MAP2K5: variants seen among roughly 807,000 people sequenced by gnomAD.
MAP2K5 encodes the protein mitogen-activated protein kinase kinase 5.
MAP2K5 carries 49 observed loss-of-function variants against 83.1 expected under a neutral mutation model. The ratio of observed to expected loss-of-function variants is 0.59; its 90% CI spans 0.47 to 0.75. MAP2K5 has a LOEUF of 0.75. Ranked by LOEUF, MAP2K5 falls within the 30% of genes least tolerant of loss-of-function variation. MAP2K5 has a pLI of 0.00. For synonymous variants in MAP2K5, 202 were observed against 191.8 expected (o/e 1.05, Z -0.44); for missense variants, 457 against 557.5 (o/e 0.82, Z 1.82).
chr15:67,608,757 C>G (rs1433252383), intron 8 of MAP2K5, among the ~76,000 whole-genome samples: 1 of 152,138 alleles, frequency 6.6e-6, no homozygotes, highest in Admixed American at 6.5e-5. Context: ...CTTCTGAATA[C>G]TAGACACAAA....
chr15:67,797,389 G>A (rs971729473), intron 21 of MAP2K5, among the ~76,000 whole-genome samples: 2 of 152,170 alleles, frequency 1.3e-5, no homozygotes, highest in African/African-American at 2.4e-5. Flanking sequence ...AAAACAGTCT[G>A]AGTTTTTGTT....
chr15:67,648,998 C>A (rs981770720), intron 11 of MAP2K5, among the ~76,000 whole-genome samples: 7 of 152,190 alleles, frequency 4.6e-5, no homozygotes, highest in African/African-American at 1.7e-4. Context: ...CACCACTTTG[C>A]ATTCATACCA....
chr15:67,586,789 A>C, intron 5 of MAP2K5, 57 bp from the exon 6 acceptor site: 1 of 1,503,856 alleles, frequency 6.6e-7, no homozygotes, highest in Non-Finnish European at 9.3e-7. Flanking sequence ...ATTATAGGTT[A>C]ATTAGAACTG....
At position 67,630,353 on chromosome 15, in the gene MAP2K5, T is replaced by C. The variant is rs144806957; in HGVS notation, c.546-535T>C. 3.7e-4 allele frequency among the ~76,000 whole-genome samples: 56 copies of C among 152,338 alleles called. 1 individual carries two copies. Among genetic ancestry groups the C allele is most frequent in the Non-Finnish European group, 7.8e-4 (53 of 68,020 alleles). On this transcript the variant is annotated intron_variant, in intron 8 of 21. Transcript: ENST00000178640. The stretch of plus-strand genomic sequence containing the variant: ...AAATGGATACATTTATATTTATTGA[T>C]TTAAGTTGTAGTTATTTCACTATAT...
At chr15:67,701,863 G>C (rs1033379195) in intron 15 of MAP2K5, among the ~76,000 whole-genome samples, 3 of 152,068 alleles carry the variant, frequency 2.0e-5, no homozygotes, top group Non-Finnish European at 2.9e-5. Context: ...CTAGTTGTGG[G>C]GTCAGTTTGA....
intron 2 of MAP2K5, among the ~76,000 whole-genome samples, chr15:67,558,393 C>T (rs1306800765): frequency 3.3e-5 from 5 of 152,332 alleles, no homozygotes; most frequent in African/African-American, 1.2e-4. Flanking sequence ...TTTAGGCCAC[C>T]ATCATCTCTC....
At chr15:67,624,115 T>G (rs989590743) in intron 8 of MAP2K5, among the ~76,000 whole-genome samples, 14 of 151,100 alleles carry the variant, frequency 9.3e-5, no homozygotes, top group East Asian at 8.0e-4. Context: ...CAAGGAGGGC[T>G]GATCACAAGG....
At chr15:67,605,209 C>T (rs2085754238) in intron 8 of MAP2K5, among the ~76,000 whole-genome samples, 1 of 151,958 alleles carries the variant, frequency 6.6e-6, no homozygotes, top group Admixed American at 6.5e-5. Flanking sequence ...CATGTACCAC[C>T]ATGCCCAGCT....
At chr15:67,551,973 CT>C (rs931958608) in intron 2 of MAP2K5, among the ~76,000 whole-genome samples, 3 of 150,984 alleles carry the variant, frequency 2.0e-5, no homozygotes, top group Non-Finnish European at 2.9e-5. Context: ...GCTTCCCCAA[CT>C]TTATGTGTGT....
Position 67,588,305 on chromosome 15 carries a change from C to T in MAP2K5, c.431+1392C>T, listed in dbSNP as rs531640906. On this transcript the variant is annotated intron_variant, in intron 6 of 21. Coordinates refer to ENST00000178640, the MANE Select transcript of MAP2K5 (RefSeq NM_145160.3). ...TGCACATTTTCCCGTTTTCCTGTTT[C>T]TTTTCATCCCCACCTTGACCTTCAG... 1.2e-4 allele frequency among the ~76,000 whole-genome samples: 18 copies of T among 152,308 alleles called. No individual in the cohort carries two copies. In the East Asian group the frequency reaches 3.3e-3, roughly 28 times the overall value.
In MAP2K5 at chr15:67,668,963, G is replaced by A. The variant is rs1005927766; in HGVS notation, c.847+4318G>A. 6.6e-6 allele frequency among the ~76,000 whole-genome samples: 1 copy of A among 152,136 alleles called. No homozygotes were observed. Among genetic ancestry groups the A allele is most frequent in the African/African-American group, 2.4e-5 (1 of 41,446 alleles). ...TCTGTAGGAAAATGCTGGCCAGATAGATTTGTGTTTAAAGAAACTAAGCCT... is the reference window on the plus strand; with the variant it reads ...TCTGTAGGAAAATGCTGGCCAGATAAATTTGTGTTTAAAGAAACTAAGCCT... On this transcript the variant is annotated intron_variant, in intron 13 of 21. Coordinates refer to ENST00000178640, the MANE Select transcript of MAP2K5 (RefSeq NM_145160.3). This position sits in a 1 kb window ranked among gnomAD's most constrained non-coding sequence, Gnocchi z 4.0.
At chr15:67,731,990 AC>A (rs1393623644) in intron 17 of MAP2K5, among the ~76,000 whole-genome samples, 1 of 152,212 alleles carries the variant, frequency 6.6e-6, no homozygotes, top group African/African-American at 2.4e-5. Context: ...TAGCAGAGTA[AC>A]GGGAGATCCA....
At position 67,646,511 on chromosome 15, in the gene MAP2K5, A is replaced by G. The variant is rs748635321; in HGVS notation, c.736+42A>G. The G allele has an allele frequency of 5.1e-6, 6 of 1,178,406 alleles. No homozygotes were observed. The South Asian group carries it at 6.8e-5, about 13-fold the overall frequency. The allele number at this position is 1,178,406 out of a possible 1,614,324, so 73.0% of individuals were successfully genotyped here. ...ATAATACTTTTAAAATGATTTTTAGAGTATATAGTGCTTTAAAACCTGGTT... is the reference window on the plus strand; with the variant it reads ...ATAATACTTTTAAAATGATTTTTAGGGTATATAGTGCTTTAAAACCTGGTT... On this transcript the variant is annotated intron_variant, in intron 11 of 21. Transcript: ENST00000178640.
chr15:67,547,077 AACAC>A (rs59269114), intron 1 of MAP2K5, among the ~76,000 whole-genome samples: 133 of 144,194 alleles, frequency 9.2e-4, no homozygotes, highest in African/African-American at 3.1e-3. Flanking sequence ...AAAAGAAGAA[AACAC>A]ACACACACAC....
chr15:67,638,877 A>C lies in MAP2K5; in HGVS notation c.586-7354A>C, dbSNP rs2086656591. Among the ~76,000 whole-genome samples, 1 of 152,142 alleles carries C rather than the reference A, an allele frequency of 6.6e-6. No homozygotes were observed. ...TTGGCCTCGTGTATATCTTCTTTTG[A>C]GAAGTGTCTGTTCGTGTCCTTTGCC... is the stretch of plus-strand genomic sequence containing the variant. On this transcript the variant is annotated intron_variant, in intron 9 of 21. Coordinates refer to ENST00000178640, the MANE Select transcript of MAP2K5 (RefSeq NM_145160.3). The surrounding 1 kb of genome is among the most constrained non-coding windows in gnomAD (Gnocchi z 4.5).
intron 12 of MAP2K5, among the ~76,000 whole-genome samples, chr15:67,660,426 G>C (rs1205834648): frequency 6.6e-6 from 1 of 152,132 alleles, no homozygotes; most frequent in Non-Finnish European, 1.5e-5. Flanking sequence ...TTGATGGGCT[G>C]TGGGCTGTGG....
chr15:67,736,685 G>A lies in MAP2K5; in HGVS notation c.1074+8740G>A, dbSNP rs960176014. 1.3e-5 allele frequency among the ~76,000 whole-genome samples: 2 copies of A among 152,100 alleles called. No individual in the cohort carries two copies. The highest frequency in any genetic ancestry group is 2.9e-5 in the Non-Finnish European group (2 of 68,030). ...TCTCGTCATTTTTAGTTCAGTTACT[G>A]GGGACCATGATTCCCTTACAATTTT... is the stretch of plus-strand genomic sequence containing the variant. On this transcript the variant is annotated intron_variant, in intron 17 of 21. Transcript: ENST00000178640. The surrounding 1 kb of genome is among the most constrained non-coding windows in gnomAD (Gnocchi z 4.3).
chr15:67,805,561 A>G (rs1328527161), intron 21 of MAP2K5, among the ~76,000 whole-genome samples: 1 of 151,796 alleles, frequency 6.6e-6, no homozygotes, highest in Admixed American at 6.6e-5. Flanking sequence ...CAGGTGGAGG[A>G]CAGGCCCAAG....
chr15:67,585,764 G>A, intron 4 of MAP2K5, 126 bp from the exon 5 acceptor site: 1 of 766,396 alleles, frequency 1.3e-6, no homozygotes, highest in Admixed American at 2.0e-5. Context: ...GGTCTTGGGA[G>A]CCACTTTTCA....
Sources: allele counts gnomAD v4.1 joint callset (sites outside exome capture counted in the v4.1 genomes callset), GRCh38; gene constraint gnomAD v4.1.1; non-coding constraint Gnocchi (gnomAD v3.1); transcripts MANE v1.5; gene names NCBI Gene and HGNC (gene_info 2026-07-23, HGNC 2026-07-21).